The following MARF1 variants were observed in gnomAD, a reference collection of about 807,000 sequenced individuals.
MARF1 encodes the protein meiosis regulator and mRNA stability factor 1.
MARF1 carries 24 observed loss-of-function variants against 168.2 expected under a neutral mutation model. The ratio of observed to expected loss-of-function variants is 0.14; its 90% CI spans 0.10 to 0.20. MARF1 has a LOEUF of 0.20. MARF1 is among the 10% of genes least tolerant of loss of function. The probability of loss-of-function intolerance (pLI) is 1.00; values close to 1 mark genes in which losing one functional copy is unlikely to be tolerated. For synonymous variants in MARF1, 868 were observed against 822.4 expected, an observed-to-expected ratio of 1.06 and a Z score of -0.95; for missense variants, 1,744 against 2,143.6, an observed-to-expected ratio of 0.81 and a Z score of 3.68.
chr16:15,607,122 A>C (rs2151074154), intron 21 of MARF1, among the ~76,000 whole-genome samples: 1 of 152,172 alleles, frequency 6.6e-6, no homozygotes, highest in Admixed American at 6.5e-5. Context: ...TGGCTCAGGG[A>C]TGTTCGGCTC....
Position 15,630,332 on chromosome 16 carries a change from T to C in MARF1, c.1524A>G (p.Pro508=). The part of the protein sequence containing the change: ...DLPPRLPLKM[P]QCHTLLYVYN... ...GCAAAAATAACGCAAACCCACTTAC[T>C]GGCATTTTTAGTGGTAACCTGGGGG... The change falls in exon 7 of 27, where the codon CCA becomes CCG. Residue 508 remains proline (P), a splice_region_variant and synonymous_variant. Transcript: ENST00000396368. The C allele has an allele frequency of 6.3e-7, 1 of 1,597,576 alleles. No individual in the cohort carries two copies. The highest frequency in any genetic ancestry group is 8.6e-7 in the Non-Finnish European group (1 of 1,169,002).
chr16:15,632,539 T>C (rs1007521195), intron 5 of MARF1, among the ~76,000 whole-genome samples: 8 of 152,214 alleles, frequency 5.3e-5, no homozygotes, highest in Non-Finnish European at 1.0e-4. Context: ...TGGATGGCTT[T>C]CAGGATCTGG....
Position 15,596,787 on chromosome 16 carries a change from C to A in MARF1, c.5135G>T (p.Ser1712Ile). 6.2e-7 allele frequency: 1 copy of A among 1,614,012 alleles called. No homozygotes were observed. The highest frequency in any genetic ancestry group is 1.7e-5 in the Admixed American group (1 of 60,016). ...PSSETSESLLSKDPVESPAKK... is the reference protein window; with the variant it reads ...PSSETSESLLIKDPVESPAKK... The stretch of plus-strand genomic sequence containing the variant: ...GGCCGGGCTTTCCACGGGGTCCTTG[C>A]TGAGCAGTGACTCGGAGGTTTCCGA... The change falls in exon 27 of 27, where the codon AGC becomes ATC. Residue 1712 changes from serine (S) to isoleucine (I), a missense_variant. Ser to Ile is a moderately radical substitution (Grantham distance 142). Around this residue, in one of 7 missense-constraint regions of MARF1, gnomAD observed 313 missense variants for 337.4 expected, o/e 0.93. Transcript: ENST00000396368.
chr16:15,642,395 C>A (rs1480491542), intron 1 of MARF1: 1 of 152,140 alleles, frequency 6.6e-6, no homozygotes, highest in African/African-American at 2.4e-5. Flanking sequence ...ACGAATAAAG[C>A]TTAATAAATA....
Position 15,633,831 on chromosome 16 carries a change from A to G in MARF1, c.1019T>C (p.Val340Ala). The G allele has an allele frequency of 1.2e-6, 2 of 1,611,444 alleles. No individual in the cohort carries two copies. Among genetic ancestry groups the G allele is most frequent in the South Asian group, 2.2e-5 (2 of 90,566 alleles). The change falls in exon 5 of 27, where the codon GTT (valine) becomes GCT (alanine). Residue 340 changes from valine (V) to alanine (A), a missense_variant. Coordinates refer to ENST00000396368, the MANE Select transcript of MARF1 (RefSeq NM_014647.4). ...KAASKFGSPE[V>A]AVAGQVLENL... is the part of the protein sequence containing the mutation. Reference sequence around the variant, plus strand: ...TTCTAGCACCTGTCCAGCTACTGCAACTTCTGGTGACCCTTAAGAAATGTT... The same window carrying G: ...TTCTAGCACCTGTCCAGCTACTGCAGCTTCTGGTGACCCTTAAGAAATGTT...
At chr16:15,620,193 C>A (rs75176250) in intron 13 of MARF1, among the ~76,000 whole-genome samples, 1,664 of 151,670 alleles carry the variant, frequency 0.011, 50 homozygotes, top group East Asian at 0.11. Context: ...AACAAACAAA[C>A]AAAAAAAACA....
Position 15,639,288 on chromosome 16 carries a change from C to T in MARF1, c.-55G>A, listed in dbSNP as rs192604945. On this transcript the variant is annotated 5_prime_UTR_variant, in exon 2 of 27. Transcript: ENST00000396368. ...TCATCTTTCTTTTCTTTCATTCTTCCACCCTGTTAAGAATGAGTAAGATTT... is the reference window on the plus strand; with the variant it reads ...TCATCTTTCTTTTCTTTCATTCTTCTACCCTGTTAAGAATGAGTAAGATTT... 6,359 of 1,560,358 alleles carry T rather than the reference C, an allele frequency of 4.1e-3. 299 individuals carry two copies. The South Asian group carries it at 0.071, about 17-fold the overall frequency.
At chr16:15,605,459 G>C (rs2032927168) in intron 21 of MARF1, among the ~76,000 whole-genome samples, 1 of 152,122 alleles carries the variant, frequency 6.6e-6, no homozygotes, top group Admixed American at 6.5e-5. Context: ...TACTTATCAT[G>C]ATTATGGGAC....
At chr16:15,611,967 G>A (rs1000797549) in intron 17 of MARF1, among the ~76,000 whole-genome samples, 3 of 152,180 alleles carry the variant, frequency 2.0e-5, no homozygotes, top group East Asian at 1.9e-4. Context: ...CCAAACAGTC[G>A]TTGAGTATAA....
At chr16:15,640,424 C>G (rs1004678007) in intron 1 of MARF1, among the ~76,000 whole-genome samples, 1 of 152,180 alleles carries the variant, frequency 6.6e-6, no homozygotes, top group Non-Finnish European at 1.5e-5. Context: ...TAAATGCAAG[C>G]GAGGCACCGT....
At chr16:15,630,075 A>G (rs2035147476) in intron 7 of MARF1, among the ~76,000 whole-genome samples, 1 of 152,250 alleles carries the variant, frequency 6.6e-6, no homozygotes, top group East Asian at 1.9e-4. Flanking sequence ...CTTTGAAGAC[A>G]CTGGCAAGTT....
At chr16:15,635,136 A>G (rs903031335) in intron 3 of MARF1, 2 of 525,636 alleles carry the variant, frequency 3.8e-6, no homozygotes, top group African/African-American at 3.8e-5. Flanking sequence ...TGACATGATC[A>G]AGAAAGATAT....
intron 12 of MARF1, 63 bp downstream of exon 12, chr16:15,621,670 T>C (rs2034471201): frequency 1.8e-5 from 27 of 1,477,378 alleles, no homozygotes; most frequent in Non-Finnish European, 2.3e-5. Flanking sequence ...ATTTTTATTA[T>C]TTCTAAAATT....
At chr16:15,598,799 G>A (rs2032047472) in intron 26 of MARF1, 55 bp downstream of exon 26, 13 of 1,530,186 alleles carry the variant, frequency 8.5e-6, no homozygotes, top group East Asian at 2.2e-5. Context: ...GTATCTCATC[G>A]TGGTTTTGTT....
rs766393005 is a variant in MARF1 at position 15,602,097 on chromosome 16, A to G, written c.4520T>C (p.Phe1507Ser). 2 of 1,614,202 alleles carry G rather than the reference A, an allele frequency of 1.2e-6. No individual in the cohort carries two copies. Among genetic ancestry groups the G allele is most frequent in the Non-Finnish European group, 1.7e-6 (2 of 1,180,016 alleles). Residue 1507 changes from phenylalanine to serine, a missense_variant, in exon 23 of 27, where the codon TTC becomes TCC. Physicochemically the swap from Phe to Ser is radical, Grantham distance 155. Coordinates refer to ENST00000396368, the MANE Select transcript of MARF1 (RefSeq NM_014647.4). ...ATAGGCCATGGAAAACTCATGAAGG[A>G]AAATCTGCTGGTAGTGGTAAGTATG... The part of the protein sequence containing the change: ...LLHTYHYQQI[F>S]LHEFSMAYTK...
chr16:15,621,469 C>T (rs942949963), intron 12 of MARF1: 3 of 452,578 alleles, frequency 6.6e-6, no homozygotes, highest in African/African-American at 2.0e-5. Flanking sequence ...TAGGGGTCTA[C>T]TATTTTTAGA....
In MARF1 at chr16:15,601,858, A is replaced by G. The variant is rs921593513; in HGVS notation, c.4626+133T>C. On this transcript the variant is annotated intron_variant, in intron 23 of 26. Coordinates refer to ENST00000396368, the MANE Select transcript of MARF1 (RefSeq NM_014647.4). ...CTAAAATCATTTACTTTAGACCAACAGTATGTTTTGAAAGGATCAATTCAA... is the reference window on the plus strand; with the variant it reads ...CTAAAATCATTTACTTTAGACCAACGGTATGTTTTGAAAGGATCAATTCAA... 45 of 754,998 alleles carry G rather than the reference A, an allele frequency of 6.0e-5. 1 individual carries two copies. Among genetic ancestry groups the G allele is most frequent in the Non-Finnish European group, 8.8e-5 (38 of 432,178 alleles). 46.8% of individuals were successfully genotyped at this position (754,998 alleles called of 1,614,324 possible).
chr16:15,613,432 G>A (rs1323689370), intron 16 of MARF1, among the ~76,000 whole-genome samples: 1 of 151,856 alleles, frequency 6.6e-6, no homozygotes, highest in East Asian at 1.9e-4. Flanking sequence ...GGCGGATCAC[G>A]AGGTCAGGAG....
At position 15,639,163 on chromosome 16, in the gene MARF1, G is replaced by T; in HGVS notation, c.71C>A (p.Ala24Asp). 2 of 1,614,164 alleles carry T rather than the reference G, an allele frequency of 1.2e-6. No individual in the cohort carries two copies. The highest frequency in any genetic ancestry group is 1.7e-6 in the Non-Finnish European group (2 of 1,179,992). Residue 24 changes from alanine (A) to aspartate (D), a missense_variant, in exon 2 of 27, where the codon GCT (alanine) becomes GAT (aspartate). Physicochemically the swap from Ala to Asp is moderately radical, Grantham distance 126. This residue lies in a region of MARF1 where 318 missense variants were observed against 336.6 expected (regional missense o/e 0.94). Transcript: ENST00000396368. The part of the protein sequence containing the change: ...TRGWLQQDND[A>D]KPWLWKFSNC... Reference sequence around the variant, plus strand: ...AGAGAATTTCCAAAGCCATGGCTTAGCATCATTATCTTGTTGAAGCCATCC... The same window carrying T: ...AGAGAATTTCCAAAGCCATGGCTTATCATCATTATCTTGTTGAAGCCATCC...
Sources: allele counts gnomAD v4.1 joint callset (sites outside exome capture counted in the v4.1 genomes callset), GRCh38; gene constraint gnomAD v4.1.1; regional missense constraint gnomAD v4.1.1; transcripts MANE v1.5; gene names NCBI Gene and HGNC (gene_info 2026-07-23, HGNC 2026-07-21).